Variants in FUT9 observed in about 807,000 individuals in gnomAD.
FUT9 encodes 4-galactosyl-N-acetylglucosaminide 3-alpha-L-fucosyltransferase 9.
A neutral mutation model predicts 29.7 loss-of-function variants in FUT9; 15 were observed. That is an observed-to-expected ratio of 0.51 (90% CI 0.34 to 0.78). The LOEUF is 0.78. Ranked by LOEUF, FUT9 falls within the 30% of genes least tolerant of loss-of-function variation. The pLI is 0.01. For missense variants in FUT9, 319 were observed against 425.4 expected, an observed-to-expected ratio of 0.75 and a Z score of 2.20; for synonymous variants, 169 against 153.7, an observed-to-expected ratio of 1.10 and a Z score of -0.74.
chr6:96,155,898 A>G (rs977101175), intron 2 of FUT9, among the ~76,000 whole-genome samples: 13 of 152,202 alleles, frequency 8.5e-5, no homozygotes, highest in Non-Finnish European at 1.5e-4. Context: ...TAATCTACCC[A>G]GTTTGTGGTA....
chr6:96,046,763 T>A (rs971348581), intron 1 of FUT9, among the ~76,000 whole-genome samples: 3 of 152,228 alleles, frequency 2.0e-5, no homozygotes, highest in Non-Finnish European at 4.4e-5. Flanking sequence ...CTATCATATA[T>A]GTACATCTGT....
intron 1 of FUT9, among the ~76,000 whole-genome samples, chr6:96,028,474 T>G (rs561919853): frequency 1.6e-4 from 24 of 151,662 alleles, no homozygotes; most frequent in Non-Finnish European, 3.4e-4. Flanking sequence ...GTCAAATTTC[T>G]TAGTATATCT....
intron 2 of FUT9, among the ~76,000 whole-genome samples, chr6:96,181,864 T>C (rs1303608958): frequency 6.6e-6 from 1 of 152,126 alleles, no homozygotes; most frequent in Non-Finnish European, 1.5e-5. Flanking sequence ...ATTTTTGCAA[T>C]TGTGAATTGT....
At chr6:96,142,872 A>G (rs967815142) in intron 2 of FUT9, among the ~76,000 whole-genome samples, 5 of 152,100 alleles carry the variant, frequency 3.3e-5, no homozygotes, top group Admixed American at 6.5e-5. Flanking sequence ...TGGAGAATAT[A>G]CATAGGATTA....
At chr6:96,040,634 C>G (rs981796575) in intron 1 of FUT9, among the ~76,000 whole-genome samples, 1 of 151,966 alleles carries the variant, frequency 6.6e-6, no homozygotes, top group African/African-American at 2.4e-5. Flanking sequence ...TACCACAGTT[C>G]AAAGAAAAGA....
intron 2 of FUT9, among the ~76,000 whole-genome samples, chr6:96,175,058 T>C (rs376448607): frequency 2.6e-5 from 4 of 152,114 alleles, no homozygotes; most frequent in East Asian, 1.9e-4. Context: ...TTTACCTTAA[T>C]AATTAGGCAT....
chr6:96,035,309 T>C (rs1582183545), intron 1 of FUT9, among the ~76,000 whole-genome samples: 1 of 151,448 alleles, frequency 6.6e-6, no homozygotes, highest in South Asian at 2.1e-4. Context: ...ATTATTGGTA[T>C]GACAAAAAAG....
At chr6:96,058,071 T>C (rs1293996289) in intron 1 of FUT9, among the ~76,000 whole-genome samples, 3 of 152,008 alleles carry the variant, frequency 2.0e-5, no homozygotes, top group Non-Finnish European at 4.4e-5. Flanking sequence ...CACTCTACTT[T>C]TTATAACGGG....
intron 2 of FUT9, among the ~76,000 whole-genome samples, chr6:96,164,433 T>G (rs1049393956): frequency 1.3e-5 from 2 of 152,008 alleles, no homozygotes; most frequent in Non-Finnish European, 2.9e-5. Flanking sequence ...TAATTTTTTG[T>G]ATTTGTAGCA....
At chr6:96,075,745 C>T (rs778212448) in intron 1 of FUT9, among the ~76,000 whole-genome samples, 1 of 152,124 alleles carries the variant, frequency 6.6e-6, no homozygotes, top group Non-Finnish European at 1.5e-5. Context: ...AAATTAGTAT[C>T]AGCCGATTCC....
chr6:96,030,939 A>G (rs1770250318), intron 1 of FUT9, among the ~76,000 whole-genome samples: 1 of 151,586 alleles, frequency 6.6e-6, no homozygotes, highest in Admixed American at 6.6e-5. Context: ...TGGGAAGTTG[A>G]GGCTGATTTT....
At chr6:96,171,321 G>A (rs541245722) in intron 2 of FUT9, among the ~76,000 whole-genome samples, 15 of 152,288 alleles carry the variant, frequency 9.8e-5, no homozygotes, top group African/African-American at 3.1e-4. Context: ...GCATGAGTAC[G>A]TTGCAGGAGC....
chr6:96,169,836 A>G (rs1434176080), intron 2 of FUT9, among the ~76,000 whole-genome samples: 5 of 152,156 alleles, frequency 3.3e-5, no homozygotes, highest in Non-Finnish European at 7.4e-5. Context: ...TTGAAAAGAA[A>G]GGTAAATTAA....
intron 2 of FUT9, among the ~76,000 whole-genome samples, chr6:96,139,358 G>T (rs1582261338): frequency 1.3e-5 from 2 of 152,156 alleles, no homozygotes; most frequent in African/African-American, 4.8e-5. Context: ...TCTTTGCAGG[G>T]TACAGATCCC....
chr6:96,036,171 G>A (rs1010957370), intron 1 of FUT9, among the ~76,000 whole-genome samples: 2 of 148,092 alleles, frequency 1.4e-5, no homozygotes, highest in African/African-American at 4.9e-5. Flanking sequence ...TATATATTTT[G>A]AGCCAAAACC....
chr6:96,116,969 C>A (rs919978526), intron 2 of FUT9, among the ~76,000 whole-genome samples: 4 of 151,866 alleles, frequency 2.6e-5, no homozygotes, highest in African/African-American at 9.7e-5. Context: ...AGAAAGAAAA[C>A]AAATAGGATG....
intron 1 of FUT9, among the ~76,000 whole-genome samples, chr6:96,055,724 T>C (rs1380186668): frequency 1.1e-4 from 16 of 146,116 alleles, no homozygotes; most frequent in African/African-American, 2.8e-4. Context: ...TTTTTTTTTT[T>C]CCTAGAGATA....
At chr6:96,138,989 A>G (rs879902989) in intron 2 of FUT9, among the ~76,000 whole-genome samples, 43 of 152,282 alleles carry the variant, frequency 2.8e-4, no homozygotes, top group South Asian at 1.5e-3. Flanking sequence ...GCAAATCTCA[A>G]TTTAATCTCC....
intron 1 of FUT9, among the ~76,000 whole-genome samples, chr6:96,060,965 C>T (rs773269003): frequency 5.3e-5 from 8 of 152,122 alleles, no homozygotes; most frequent in African/African-American, 1.7e-4. Flanking sequence ...AATCTGTTGC[C>T]ATTTTAGTTA....
Sources: gnomAD v4.1 joint callset for allele counts (sites outside exome capture counted in the v4.1 genomes callset) on GRCh38, gnomAD v4.1.1 for gene constraint, MANE v1.5 for transcripts, NCBI Gene and HGNC (gene_info 2026-07-23, HGNC 2026-07-21) for gene names.